USP9X: variants seen among roughly 807,000 people sequenced by gnomAD.
USP9X encodes ubiquitin carboxyl-terminal hydrolase 9X.
Under a neutral mutation model 190.3 loss-of-function variants are expected in USP9X, and 7 were observed. The observed-to-expected ratio is 0.04, with a 90% CI of 0.02 to 0.07. The LOEUF is 0.07. Among genes scored for constraint, USP9X ranks in the 10% least tolerant of loss-of-function variants. The pLI is 1.00. For synonymous variants in USP9X, 645 were observed against 659.5 expected, an observed-to-expected ratio of 0.98 and a Z score of 0.34; for missense variants, 1,010 against 1,916.9, an observed-to-expected ratio of 0.53 and a Z score of 8.83.
intron 33 of USP9X, 150 bp from the exon 34 acceptor site, chrX:41,214,418 T>C (rs1392037309): frequency 4.5e-5 from 21 of 469,089 alleles, no homozygotes; most frequent in Admixed American, 1.2e-4. Context: ...GGCACATGTA[T>C]ACATATGTAA....
intron 21 of USP9X, among the ~76,000 whole-genome samples, chrX:41,180,366 C>T (rs2062815261): frequency 1.8e-5 from 2 of 112,832 alleles, no homozygotes; most frequent in Non-Finnish European, 3.7e-5. Flanking sequence ...AATCCTTGAT[C>T]TTGTGATTGG....
At chrX:41,169,050 A>C (rs2062702418) in intron 18 of USP9X, among the ~76,000 whole-genome samples, 1 of 112,105 alleles carries the variant, frequency 8.9e-6, no homozygotes, top group African/African-American at 3.2e-5. Flanking sequence ...CCAGAAAAAA[A>C]ATAAAGTGCA....
intron 26 of USP9X, among the ~76,000 whole-genome samples, chrX:41,191,623 A>T (rs1290322342): frequency 8.9e-6 from 1 of 111,799 alleles, no homozygotes; most frequent in African/African-American, 3.3e-5. Context: ...TTGAGTTCTG[A>T]CATTTCTGCC....
At position 41,175,675 on chromosome X, in the gene USP9X, A is replaced by G. The variant is rs567157618; in HGVS notation, c.3148+3717A>G. Among the ~76,000 whole-genome samples the G allele has an allele frequency of 1.3e-3, 145 of 110,981 alleles. 1 individual carries two copies. The South Asian group carries it at 0.021, about 16-fold the overall frequency. ...CAAGATCTGGACATTTATTGCACTCATTGCTATCGATGTATTGTTGCTCCC... is the reference window on the plus strand; with the variant it reads ...CAAGATCTGGACATTTATTGCACTCGTTGCTATCGATGTATTGTTGCTCCC... On this transcript the variant is annotated intron_variant, in intron 21 of 44. Coordinates refer to ENST00000378308, the MANE Select transcript of USP9X (RefSeq NM_001039591.3).
intron 6 of USP9X, 67 bp downstream of exon 6, chrX:41,137,089 T>A: frequency 1.0e-6 from 1 of 984,464 alleles, no homozygotes; most frequent in African/African-American, 1.9e-5. Context: ...GAATCTTCAG[T>A]GATCTGTATT....
Position 41,191,329 on chromosome X carries a change from C to CA in USP9X, c.3977+1874dup, listed in dbSNP as rs60716097. ...GGGCAATAAGAGTGAAACTCCATGT[C>CA]AAAAAAAAAAAAAAAAAAAATTGAA... On this transcript the variant is annotated intron_variant, in intron 26 of 44. Coordinates refer to ENST00000378308, the MANE Select transcript of USP9X (RefSeq NM_001039591.3). Among the ~76,000 whole-genome samples, 489 of 65,629 alleles carry CA rather than the reference C, an allele frequency of 7.5e-3. 2 individuals are homozygous for CA. Among genetic ancestry groups the CA allele is most frequent in the Middle Eastern group, 0.02 (3 of 148 alleles). 57.0% of individuals were successfully genotyped at this position (65,629 alleles called of 115,157 possible).
intron 1 of USP9X, among the ~76,000 whole-genome samples, chrX:41,118,188 T>C (rs2062164530): frequency 9.0e-6 from 1 of 111,641 alleles, no homozygotes; most frequent in Non-Finnish European, 1.9e-5. Flanking sequence ...TGCAGTTCAG[T>C]GGCATTAAGT....
rs764653273 is a variant in USP9X, at chrX:41,215,895, T to G, written c.5332-4T>G. On this transcript the variant is annotated splice_region_variant and splice_polypyrimidine_tract_variant and intron_variant, in intron 34 of 44. Coordinates refer to ENST00000378308, the MANE Select transcript of USP9X (RefSeq NM_001039591.3). ...ATCTGGTAACTTTGTCTTGTTTATT[T>G]TAGGTTGATACCGTAAAGCGCTTGC... 1 of 1,203,648 alleles carries G rather than the reference T, an allele frequency of 8.3e-7. No homozygotes were observed. The highest frequency in any genetic ancestry group is 1.1e-6 in the Non-Finnish European group (1 of 890,694).
chrX:41,172,083 C>A, intron 21 of USP9X, 125 bp downstream of exon 21: 1 of 757,928 alleles, frequency 1.3e-6, no homozygotes, highest in South Asian at 4.5e-5. Flanking sequence ...GATGACAGCC[C>A]ACAAGCCACA....
At chrX:41,176,866 T>A (rs1019687508) in intron 21 of USP9X, among the ~76,000 whole-genome samples, 6 of 112,305 alleles carry the variant, frequency 5.3e-5, no homozygotes, top group African/African-American at 1.9e-4. Context: ...AGACTGTAAT[T>A]ATTTCTCTCT....
At chrX:41,182,583 T>A (rs1251323143) in intron 21 of USP9X, among the ~76,000 whole-genome samples, 1 of 110,788 alleles carries the variant, frequency 9.0e-6, no homozygotes, top group Non-Finnish European at 1.9e-5. Context: ...TTCAACTTCT[T>A]TATGCTTGCA....
intron 43 of USP9X, among the ~76,000 whole-genome samples, 165 bp from the exon 44 acceptor site, chrX:41,230,335 TG>T (rs1420239745): frequency 2.6e-3 from 79 of 30,653 alleles, no homozygotes; most frequent in Middle Eastern, 0.019. Context: ...TTTTTTGTTT[TG>T]TTTTTTTTTT....
chrX:41,161,363 G>A (rs1433001339), intron 14 of USP9X, among the ~76,000 whole-genome samples: 1 of 71,500 alleles, frequency 1.4e-5, no homozygotes, highest in Non-Finnish European at 2.4e-5. Context: ...TTTTGGTGAC[G>A]GAGTCTCGTT....
chrX:41,181,278 T>C (rs2062822842), intron 21 of USP9X, among the ~76,000 whole-genome samples: 3 of 100,565 alleles, frequency 3.0e-5, no homozygotes, highest in East Asian at 6.2e-4. Context: ...ATTTCTTTTT[T>C]TTTTTTTTTT....
At position 41,196,689 on chromosome X, in the gene USP9X, A is replaced by G. The variant is rs1412799606; in HGVS notation, c.4184A>G (p.Asn1395Ser). The G allele has an allele frequency of 4.2e-6, 5 of 1,199,922 alleles. No individual in the cohort carries two copies. Among genetic ancestry groups the G allele is most frequent in the East Asian group, 3.0e-5 (1 of 33,746 alleles). ...TACAATAGTAATATTAATGTACCCA[A>G]TGCTGAAGTTCTTCTCAATAATGAA... is the stretch of plus-strand genomic sequence containing the variant. The part of the protein sequence containing the change: ...YAYNSNINVP[N>S]AEVLLNNEID... Residue 1395 changes from asparagine to serine, a missense_variant, in exon 28 of 45, where the codon AAT (asparagine) becomes AGT (serine). Physicochemically the swap from Asn to Ser is conservative, Grantham distance 46. Around this residue, in one of 11 missense-constraint regions of USP9X, gnomAD observed 351 missense variants for 480.8 expected, o/e 0.73. Coordinates refer to ENST00000378308, the MANE Select transcript of USP9X (RefSeq NM_001039591.3).
chrX:41,094,753 T>C (rs1043987192), intron 1 of USP9X, among the ~76,000 whole-genome samples: 1 of 109,980 alleles, frequency 9.1e-6, no homozygotes, highest in Non-Finnish European at 1.9e-5. Context: ...AATCCGAAAT[T>C]TGGGGCCAGG....
At position 41,159,199 on chromosome X, in the gene USP9X, G is replaced by A. The variant is rs192599661; in HGVS notation, c.1898-3591G>A. Among the ~76,000 whole-genome samples the A allele has an allele frequency of 4.8e-3, 535 of 111,983 alleles. 4 individuals are homozygous for A. The highest frequency in any genetic ancestry group is 0.017 in the African/African-American group (513 of 30,802). ...CAAATGGCCAATGAGCACTTGAAAA[G>A]ATGCTTAGTATTATTAGTTATTAGG... On this transcript the variant is annotated intron_variant, in intron 14 of 44. Coordinates refer to ENST00000378308, the MANE Select transcript of USP9X (RefSeq NM_001039591.3).
chrX:41,156,345 C>A (rs867526515), intron 14 of USP9X, among the ~76,000 whole-genome samples: 1 of 111,775 alleles, frequency 8.9e-6, no homozygotes, highest in Admixed American at 9.4e-5. Context: ...CCTGAGGCTG[C>A]CAGTCTAGGG....
At chrX:41,173,997 A>C (rs7051607) in intron 21 of USP9X, among the ~76,000 whole-genome samples, 3,805 of 111,767 alleles carry the variant, frequency 0.034, 151 homozygotes, top group African/African-American at 0.12. Flanking sequence ...TACCCTTTCT[A>C]TGTTTAAATA....
Sources: gnomAD v4.1 joint callset for allele counts (sites outside exome capture counted in the v4.1 genomes callset) on GRCh38, gnomAD v4.1.1 for gene constraint, gnomAD v4.1.1 regional missense constraint, MANE v1.5 for transcripts, NCBI Gene and HGNC (gene_info 2026-07-23, HGNC 2026-07-21) for gene names.